TFDP2: variants seen among roughly 807,000 people sequenced by gnomAD.
TFDP2 encodes transcription factor Dp-2.
In TFDP2, 17 loss-of-function variants were observed where a neutral mutation model predicts 59.3. The observed-to-expected ratio is 0.29, with a 90% CI of 0.20 to 0.43. The LOEUF (loss-of-function observed/expected upper bound fraction) is 0.43, where lower values mean the gene tolerates loss of function less well. Among genes scored for constraint, TFDP2 ranks in the 20% least tolerant of loss-of-function variants. TFDP2 has a pLI of 1.00. For missense variants in TFDP2, 391 were observed against 528.8 expected, an observed-to-expected ratio of 0.74 and a Z score of 2.56; for synonymous variants, 180 against 194.7, an observed-to-expected ratio of 0.92 and a Z score of 0.63.
intron 1 of TFDP2, among the ~76,000 whole-genome samples, chr3:142,117,168 G>A (rs775180036): frequency 3.9e-5 from 6 of 151,998 alleles, no homozygotes; most frequent in Non-Finnish European, 7.4e-5. Context: ...TGATCTGCCC[G>A]CCTCCACCTC....
rs971701879 is a variant in TFDP2, at chr3:142,135,660, T to A, written c.-93+13523A>T. 1.1e-4 allele frequency among the ~76,000 whole-genome samples: 16 copies of A among 152,072 alleles called. No homozygotes were observed. In the East Asian group the frequency reaches 1.9e-3, roughly 18 times the overall value. ...ATAAGGGAGAACATATGGTGTTTGG[T>A]TTTCTGTCCTTGTGATAGTTTGCTC... On this transcript the variant is annotated intron_variant, in intron 1 of 12. Transcript: ENST00000489671.
intron 3 of TFDP2, among the ~76,000 whole-genome samples, chr3:142,017,429 T>TC (rs1480418829): frequency 6.6e-6 from 1 of 152,158 alleles, no homozygotes; most frequent in Non-Finnish European, 1.5e-5. Flanking sequence ...AAACTGAGTC[T>TC]CCTGCCATCC....
At chr3:142,044,102 C>A in intron 3 of TFDP2, 1 of 634,934 alleles carries the variant, frequency 1.6e-6, no homozygotes, top group Non-Finnish European at 2.9e-6. Flanking sequence ...TTGGCATTGG[C>A]AATTTCACTG....
chr3:142,056,321 A>G (rs1235115264), intron 3 of TFDP2, among the ~76,000 whole-genome samples: 1 of 151,866 alleles, frequency 6.6e-6, no homozygotes, highest in Non-Finnish European at 1.5e-5. Context: ...AAAAAAAAAA[A>G]AAAAAAGACA....
chr3:142,030,474 T>A (rs1304440689), intron 3 of TFDP2, among the ~76,000 whole-genome samples: 1 of 152,216 alleles, frequency 6.6e-6, no homozygotes. Context: ...AAATCTTACA[T>A]GTTTATATTC....
Position 141,966,235 on chromosome 3 carries a change from C to T in TFDP2, c.733-2272G>A, listed in dbSNP as rs1035350565. ...TTGCCCAGGCTGGAGTACAGTGGCA[C>T]GATCTCAGCTCACTGCAACCTCCGC... On this transcript the variant is annotated intron_variant, in intron 9 of 12. Coordinates refer to ENST00000489671, the MANE Select transcript of TFDP2 (RefSeq NM_001178139.2). 9.9e-5 allele frequency among the ~76,000 whole-genome samples: 15 copies of T among 151,834 alleles called. 1 individual carries two copies. Among genetic ancestry groups the T allele is most frequent in the Non-Finnish European group, 1.6e-4 (11 of 68,024 alleles).
At chr3:142,068,773 G>T (rs1245728615) in intron 3 of TFDP2, among the ~76,000 whole-genome samples, 1 of 151,874 alleles carries the variant, frequency 6.6e-6, no homozygotes, top group African/African-American at 2.4e-5. Flanking sequence ...TGCCCAGGCT[G>T]GTCTCAAATT....
rs529045604 is a variant in TFDP2, at chr3:142,111,257, C to T, written c.-92-9416G>A. Among the ~76,000 whole-genome samples the T allele has an allele frequency of 2.1e-4, 32 of 151,808 alleles. No individual in the cohort carries two copies. The South Asian group carries it at 3.3e-3, about 16-fold the overall frequency. On this transcript the variant is annotated intron_variant, in intron 1 of 12. Transcript: ENST00000489671. ...CAGCCTGGCCAACATGGTGAAACCCCGTCTCTACTAAAAATACAAAAATTA... is the reference window on the plus strand; with the variant it reads ...CAGCCTGGCCAACATGGTGAAACCCTGTCTCTACTAAAAATACAAAAATTA...
intron 2 of TFDP2, among the ~76,000 whole-genome samples, chr3:142,094,162 CA>C (rs2061088248): frequency 6.6e-6 from 1 of 152,116 alleles, no homozygotes; most frequent in African/African-American, 2.4e-5. Context: ...TGGCAGAACG[CA>C]AACATCCAAA....
At chr3:142,002,275 A>G (rs1295210463) in intron 4 of TFDP2, among the ~76,000 whole-genome samples, 3 of 149,978 alleles carry the variant, frequency 2.0e-5, no homozygotes, top group African/African-American at 7.4e-5. Flanking sequence ...GATTACAGGT[A>G]TAAGCCACTG....
At chr3:142,085,110 AG>A (rs776908780) in intron 3 of TFDP2, among the ~76,000 whole-genome samples, 53 of 152,190 alleles carry the variant, frequency 3.5e-4, no homozygotes, top group Non-Finnish European at 2.6e-4. Flanking sequence ...TAGTAGAGAC[AG>A]GGTTTCACCA....
intron 4 of TFDP2, among the ~76,000 whole-genome samples, chr3:142,002,978 G>A (rs1448552315): frequency 6.6e-6 from 1 of 151,794 alleles, no homozygotes; most frequent in African/African-American, 2.4e-5. Flanking sequence ...CATGAAGTGG[G>A]GCAGAAGGGG....
rs898978675 is a variant in TFDP2 at position 141,952,318 on chromosome 3, C to G, written c.*195G>C. On this transcript the variant is annotated 3_prime_UTR_variant, in exon 13 of 13. Coordinates refer to ENST00000489671, the MANE Select transcript of TFDP2 (RefSeq NM_001178139.2). ...ATCATCTACTGCTCTGTTGGCCAGA[C>G]TTTCATTCACACTATGTTAACTTTC... The G allele has an allele frequency of 4.4e-5, 22 of 496,122 alleles. 1 individual carries two copies. Among genetic ancestry groups the G allele is most frequent in the Non-Finnish European group, 6.5e-5 (19 of 294,336 alleles). The allele number at this position is 496,122 out of a possible 1,614,324, so 30.7% of individuals were successfully genotyped here.
intron 3 of TFDP2, among the ~76,000 whole-genome samples, chr3:142,040,722 G>A (rs1191451723): frequency 6.6e-6 from 1 of 152,066 alleles, no homozygotes; most frequent in Non-Finnish European, 1.5e-5. Context: ...GAGCCATCAC[G>A]CCCAGCTAAA....
chr3:142,088,705 G>A lies in TFDP2; in HGVS notation c.82+4356C>T, dbSNP rs373195628. 2.0e-5 allele frequency among the ~76,000 whole-genome samples: 3 copies of A among 151,008 alleles called. No homozygotes were observed. In the South Asian group the frequency reaches 6.3e-4, roughly 32 times the overall value. The stretch of plus-strand genomic sequence containing the variant: ...AGCTCACTGCAGCCTCAAATTCCTG[G>A]ACTCAGGAAATCCTTCCACCTCAGT... On this transcript the variant is annotated intron_variant, in intron 3 of 12. Coordinates refer to ENST00000489671, the MANE Select transcript of TFDP2 (RefSeq NM_001178139.2).
At chr3:142,081,796 G>A (rs1014488483) in intron 3 of TFDP2, among the ~76,000 whole-genome samples, 7 of 152,104 alleles carry the variant, frequency 4.6e-5, no homozygotes, top group African/African-American at 1.2e-4. Flanking sequence ...TCCAAAACCT[G>A]AACAGACCAA....
At chr3:142,016,766 C>A (rs1049596311) in intron 3 of TFDP2, among the ~76,000 whole-genome samples, 1 of 152,188 alleles carries the variant, frequency 6.6e-6, no homozygotes, top group Non-Finnish European at 1.5e-5. Flanking sequence ...GGAAACCCAA[C>A]TGATTTATCC....
rs183553605 is a variant in TFDP2 at position 141,968,794 on chromosome 3, C to T, written c.732+1279G>A. Among the ~76,000 whole-genome samples the T allele has an allele frequency of 1.2e-3, 89 of 74,878 alleles. 7 individuals are homozygous for T. The highest frequency in any genetic ancestry group is 3.8e-4 in the Non-Finnish European group (16 of 41,644). The allele number at this position is 74,878 out of a possible 152,430, so 49.1% of individuals were successfully genotyped here. On this transcript the variant is annotated intron_variant, in intron 9 of 12. Coordinates refer to ENST00000489671, the MANE Select transcript of TFDP2 (RefSeq NM_001178139.2). ...ATCTCATATATAGATATATATAACA[C>T]ATATATATCTCATATATAGATATAT...
intron 10 of TFDP2, among the ~76,000 whole-genome samples, chr3:141,962,965 C>T (rs1246794852): frequency 1.3e-5 from 2 of 152,146 alleles, no homozygotes; most frequent in Non-Finnish European, 2.9e-5. Context: ...AAAACACTTA[C>T]CTCAAGTCAT....
Sources: gnomAD v4.1 joint callset for allele counts (sites outside exome capture counted in the v4.1 genomes callset) on GRCh38, gnomAD v4.1.1 for gene constraint, MANE v1.5 for transcripts, NCBI Gene and HGNC (gene_info 2026-07-23, HGNC 2026-07-21) for gene names.